Variants in MAP3K8 observed in about 807,000 individuals in gnomAD.
MAP3K8 encodes mitogen-activated protein kinase kinase kinase 8, also known as Ewing sarcoma transformant.
In MAP3K8, 22 loss-of-function variants were observed where a neutral mutation model predicts 45.8. That is an observed-to-expected ratio of 0.48 (90% CI 0.34 to 0.69). The LOEUF (loss-of-function observed/expected upper bound fraction) is 0.69, where lower values mean the gene tolerates loss of function less well. Ranked by LOEUF, MAP3K8 falls within the 30% of genes least tolerant of loss-of-function variation. The probability of loss-of-function intolerance (pLI) is 0.01; values close to 1 mark genes in which losing one functional copy is unlikely to be tolerated. For missense variants in MAP3K8, 419 were observed against 585.0 expected, an observed-to-expected ratio of 0.72 and a Z score of 2.93; for synonymous variants, 223 against 214.3, an observed-to-expected ratio of 1.04 and a Z score of -0.36.
At chr10:30,444,477 A>T (rs8176987) in intron 3 of MAP3K8, among the ~76,000 whole-genome samples, 415 of 152,236 alleles carry the variant, frequency 2.7e-3, no homozygotes, top group East Asian at 0.015. Context: ...AAAATAAAAT[A>T]AAATTAAATT....
At chr10:30,437,674 C>G (rs1835958509) in intron 2 of MAP3K8, among the ~76,000 whole-genome samples, 1 of 152,218 alleles carries the variant, frequency 6.6e-6, no homozygotes, top group Non-Finnish European at 1.5e-5. Context: ...ATGAAATTCA[C>G]TGAGAGGCAG....
intron 3 of MAP3K8, among the ~76,000 whole-genome samples, chr10:30,442,736 T>G (rs1799066772): frequency 2.6e-5 from 4 of 152,170 alleles, no homozygotes; most frequent in Admixed American, 2.6e-4. Flanking sequence ...TCTTTGGTGG[T>G]TTTATGGGGA....
intron 6 of MAP3K8, among the ~76,000 whole-genome samples, chr10:30,454,437 G>A (rs1425416517): frequency 1.3e-5 from 2 of 152,102 alleles, no homozygotes; most frequent in Non-Finnish European, 2.9e-5. Context: ...GCATGGTGGT[G>A]CATGTCTGTA....
intron 5 of MAP3K8, among the ~76,000 whole-genome samples, chr10:30,451,089 G>A (rs1435498015): frequency 1.5e-5 from 2 of 129,772 alleles, no homozygotes; most frequent in East Asian, 2.2e-4. Context: ...GCAAAACTCC[G>A]TCTCAAAAAA....
chr10:30,449,969 C>T (rs957464529), intron 4 of MAP3K8, among the ~76,000 whole-genome samples: 12 of 152,126 alleles, frequency 7.9e-5, no homozygotes, highest in Non-Finnish European at 1.6e-4. Flanking sequence ...TTTTTTGATT[C>T]ATTCATAATT....
chr10:30,437,992 ACTTT>A (rs902311718), intron 2 of MAP3K8, among the ~76,000 whole-genome samples: 8 of 152,148 alleles, frequency 5.3e-5, no homozygotes, highest in African/African-American at 1.7e-4. Context: ...CCCTTGCTTT[ACTTT>A]CTTTTTCTCA....
chr10:30,434,830 T>C, intron 1 of MAP3K8: 3 of 961,140 alleles, frequency 3.1e-6, no homozygotes, highest in Non-Finnish European at 3.7e-6. Context: ...TTAGGCTCCC[T>C]TGACTTAGAG....
chr10:30,443,631 G>A (rs1202068462), intron 3 of MAP3K8, among the ~76,000 whole-genome samples: 1 of 152,198 alleles, frequency 6.6e-6, no homozygotes, highest in Non-Finnish European at 1.5e-5. Flanking sequence ...CTTGGCCTTT[G>A]TGCTAGATAA....
In MAP3K8 at chr10:30,458,079, T is replaced by G. The variant is rs754738360; in HGVS notation, c.874-5T>G. On this transcript the variant is annotated splice_region_variant and splice_polypyrimidine_tract_variant and intron_variant, in intron 6 of 8. Coordinates refer to ENST00000263056, the MANE Select transcript of MAP3K8 (RefSeq NM_005204.4). ...GAAGCTGAATGTTTCCCACTTCTTT[T>G]TCAGATTTACATGAGCCCAGAGGTC... 6.8e-7 allele frequency: 1 copy of G among 1,473,694 alleles called. No homozygotes were observed. Among genetic ancestry groups the G allele is most frequent in the East Asian group, 2.6e-5 (1 of 38,418 alleles). 91.3% of individuals were successfully genotyped at this position (1,473,694 alleles called of 1,614,324 possible).
intron 3 of MAP3K8, among the ~76,000 whole-genome samples, chr10:30,440,468 T>C (rs527814970): frequency 6.6e-6 from 1 of 152,286 alleles, no homozygotes; most frequent in African/African-American, 2.4e-5. Context: ...GTAATTTAGG[T>C]CAGGTATGTA....
At chr10:30,450,647 C>T (rs558137847) in intron 5 of MAP3K8, 128 bp downstream of exon 5, 8 of 730,558 alleles carry the variant, frequency 1.1e-5, no homozygotes, top group Non-Finnish European at 1.9e-5. Flanking sequence ...CACCGTCCGT[C>T]TTCCTTCTCC....
rs74567203 is a variant in MAP3K8, at chr10:30,454,751, T to A, written c.873+3007T>A. ...ACAATATTCAGAAGGGAAGCTGTAC[T>A]TTTTTTTTTTTTTTAAGAATGCTTA... On this transcript the variant is annotated intron_variant, in intron 6 of 8. Coordinates refer to ENST00000263056, the MANE Select transcript of MAP3K8 (RefSeq NM_005204.4). Among the ~76,000 whole-genome samples, 752 of 148,028 alleles carry A rather than the reference T, an allele frequency of 5.1e-3. 6 individuals are homozygous for A. Among genetic ancestry groups the A allele is most frequent in the African/African-American group, 0.016 (626 of 40,386 alleles).
chr10:30,434,576 G>C (rs1835850299), intron 1 of MAP3K8, 198 bp downstream of exon 1: 2 of 985,728 alleles, frequency 2.0e-6, no homozygotes, highest in Non-Finnish European at 1.2e-6. Flanking sequence ...CCTTGCGCAA[G>C]GGTCTCACGG....
intron 8 of MAP3K8, among the ~76,000 whole-genome samples, chr10:30,459,884 C>T (rs565377418): frequency 1.5e-3 from 223 of 151,848 alleles, no homozygotes; most frequent in African/African-American, 4.7e-3. Context: ...GCTCTGTTGC[C>T]GAGGCTGGAG....
intron 4 of MAP3K8, among the ~76,000 whole-genome samples, chr10:30,448,624 G>T (rs1836428591): frequency 6.6e-6 from 1 of 151,786 alleles, no homozygotes; most frequent in Non-Finnish European, 1.5e-5. Flanking sequence ...AGTAGAGACG[G>T]GTTTCACCAT....
intron 6 of MAP3K8, 67 bp downstream of exon 6, chr10:30,451,811 T>C: frequency 1.1e-6 from 1 of 882,314 alleles, no homozygotes; most frequent in Non-Finnish European, 1.7e-6. Flanking sequence ...TGTTCTAGAA[T>C]TATTGTGGGA....
At position 30,437,408 on chromosome 10, in the gene MAP3K8, T is replaced by TTA; in HGVS notation, c.-24+2_-24+3insTA. The TTA allele has an allele frequency of 1.6e-6, 1 of 637,126 alleles. No individual in the cohort carries two copies. Among genetic ancestry groups the TTA allele is most frequent in the Non-Finnish European group, 2.0e-6 (1 of 511,700 alleles). 39.5% of individuals were successfully genotyped at this position (637,126 alleles called of 1,614,324 possible). A position where few individuals can be genotyped will look rare whatever the true frequency, so the allele number is the denominator to read the frequency against. On this transcript the variant is annotated splice_region_variant and intron_variant, in intron 2 of 8. Coordinates refer to ENST00000263056, the MANE Select transcript of MAP3K8 (RefSeq NM_005204.4). Reference sequence around the variant, plus strand: ...TAATCCTCACGACCACCTCATGAGGTAGGTGCTGTTATTACTTCCATTTTA... The same window carrying TTA: ...TAATCCTCACGACCACCTCATGAGGTTAAGGTGCTGTTATTACTTCCATTTTA...
In MAP3K8 at chr10:30,461,308, T is replaced by C. The variant is rs1262753418; in HGVS notation, c.*472T>C. On this transcript the variant is annotated 3_prime_UTR_variant, in exon 9 of 9. Coordinates refer to ENST00000263056, the MANE Select transcript of MAP3K8 (RefSeq NM_005204.4). ...TAAATTCTGGTATACATTGAATTCA[T>C]TATAATTTGGGTGACTAGAACAACT... 4.7e-6 allele frequency: 1 copy of C among 213,324 alleles called. No homozygotes were observed. The highest frequency in any genetic ancestry group is 9.5e-6 in the Non-Finnish European group (1 of 105,266). The allele number at this position is 213,324 out of a possible 1,614,324, so 13.2% of individuals were successfully genotyped here.
At chr10:30,452,604 C>T (rs1441326131) in intron 6 of MAP3K8, among the ~76,000 whole-genome samples, 1 of 149,806 alleles carries the variant, frequency 6.7e-6, no homozygotes, top group East Asian at 1.9e-4. Context: ...GCCTGGATGA[C>T]AGAACGAGAT....
Sources: allele counts gnomAD v4.1 joint callset (sites outside exome capture counted in the v4.1 genomes callset), GRCh38; gene constraint gnomAD v4.1.1; transcripts MANE v1.5; gene names NCBI Gene and HGNC (gene_info 2026-07-23, HGNC 2026-07-21).